Variants in ERBB4 observed in about 807,000 individuals in gnomAD.
ERBB4 encodes the protein receptor tyrosine-protein kinase erbB-4.
Under a neutral mutation model 158.0 loss-of-function variants are expected in ERBB4, and 42 were observed. The ratio of observed to expected loss-of-function variants is 0.27; its 90% confidence interval spans 0.21 to 0.34. The LOEUF (loss-of-function observed/expected upper bound fraction) is 0.34, where lower values mean the gene tolerates loss of function less well. Ranked by LOEUF, ERBB4 falls within the 10% of genes least tolerant of loss-of-function variation. ERBB4 has a pLI of 1.00. For missense variants in ERBB4, 1,333 were observed against 1,624.1 expected (o/e 0.82, Z 3.08); for synonymous variants, 583 against 558.7 (o/e 1.04, Z -0.61).
At chr2:212,293,947 CAG>C (rs1424063726) in intron 1 of ERBB4, among the ~76,000 whole-genome samples, 4 of 150,574 alleles carry the variant, frequency 2.7e-5, no homozygotes, top group Admixed American at 6.6e-5. Flanking sequence ...GAACTCTCTC[CAG>C]AGAGAGTCAA....
intron 1 of ERBB4, among the ~76,000 whole-genome samples, chr2:212,360,831 G>C (rs2089660587): frequency 6.6e-6 from 1 of 151,700 alleles, no homozygotes; most frequent in African/African-American, 2.4e-5. Context: ...CAGTGATTTA[G>C]ACTGAGACTT....
chr2:212,317,683 C>A (rs2087352687), intron 1 of ERBB4, among the ~76,000 whole-genome samples: 1 of 151,518 alleles, frequency 6.6e-6, no homozygotes, highest in African/African-American at 2.4e-5. Context: ...CCAGTCCAGT[C>A]CCATGCTTTA....
At chr2:212,070,815 T>C (rs2078093225) in intron 2 of ERBB4, among the ~76,000 whole-genome samples, 1 of 152,036 alleles carries the variant, frequency 6.6e-6, no homozygotes, top group Non-Finnish European at 1.5e-5. Context: ...AGTTTTAAAA[T>C]TGAATTTGAA....
rs368438270 is a variant in ERBB4, at chr2:212,003,177, G to GAAAAGAAAGA, written c.235-55562_235-55561insTCTTTCTTTT. Among the ~76,000 whole-genome samples the GAAAAGAAAGA allele has an allele frequency of 1.3e-3, 62 of 47,684 alleles. 1 individual carries two copies. Among genetic ancestry groups the GAAAAGAAAGA allele is most frequent in the Middle Eastern group, 8.8e-3 (1 of 114 alleles). 31.3% of individuals were successfully genotyped at this position (47,684 alleles called of 152,430 possible). On this transcript the variant is annotated intron_variant, in intron 2 of 27. Coordinates refer to ENST00000342788, the MANE Select transcript of ERBB4 (RefSeq NM_005235.3). Reference sequence around the variant, plus strand: ...AGAAAGAAAGAAAGAAAGAAAGAAAGAAAGAAAGAAAGAAAGAAAGAAAGA... The same window carrying GAAAAGAAAGA: ...AGAAAGAAAGAAAGAAAGAAAGAAAGAAAAGAAAGAAAAGAAAGAAAGAAAGAAAGAAAGA...
chr2:211,723,268 C>A (rs1232666252), intron 6 of ERBB4, among the ~76,000 whole-genome samples: 3 of 151,858 alleles, frequency 2.0e-5, no homozygotes, highest in African/African-American at 4.8e-5. Context: ...AATTAAAAAC[C>A]ATTTTATTAC....
chr2:212,413,675 A>T (rs2091570426), intron 1 of ERBB4, among the ~76,000 whole-genome samples: 1 of 152,118 alleles, frequency 6.6e-6, no homozygotes, highest in African/African-American at 2.4e-5. Context: ...GCTTGAAATC[A>T]TTATTCAGTT....
intron 2 of ERBB4, among the ~76,000 whole-genome samples, chr2:212,022,276 T>C (rs577198699): frequency 6.6e-6 from 1 of 152,304 alleles, no homozygotes; most frequent in Non-Finnish European, 1.5e-5. Context: ...AGTAATGGAA[T>C]TGTCCCAAAT....
intron 20 of ERBB4, among the ~76,000 whole-genome samples, chr2:211,531,459 T>C (rs999989134): frequency 6.6e-6 from 1 of 152,102 alleles, no homozygotes; most frequent in South Asian, 2.1e-4. Context: ...AACAACTCTA[T>C]AGGAAAAAAT....
At chr2:211,964,454 T>A (rs2081261891) in intron 2 of ERBB4, among the ~76,000 whole-genome samples, 1 of 152,200 alleles carries the variant, frequency 6.6e-6, no homozygotes, top group African/African-American at 2.4e-5. Context: ...TTTAAGTTCA[T>A]GAACTACAAG....
intron 2 of ERBB4, among the ~76,000 whole-genome samples, chr2:212,067,387 C>A (rs535975942): frequency 1.3e-5 from 2 of 151,932 alleles, no homozygotes; most frequent in South Asian, 2.1e-4. Context: ...CTAAAGTAAA[C>A]CTGTCATTAG....
intron 20 of ERBB4, among the ~76,000 whole-genome samples, chr2:211,527,209 A>C (rs1307856899): frequency 6.6e-6 from 1 of 152,120 alleles, no homozygotes; most frequent in Non-Finnish European, 1.5e-5. Flanking sequence ...GAAAAGAAAC[A>C]AACAACAAAC....
intron 4 of ERBB4, among the ~76,000 whole-genome samples, chr2:211,784,407 C>T (rs907242646): frequency 6.6e-6 from 1 of 152,154 alleles, no homozygotes; most frequent in Non-Finnish European, 1.5e-5. Flanking sequence ...AAGATTTATT[C>T]ATGTTGTAGC....
intron 1 of ERBB4, among the ~76,000 whole-genome samples, chr2:212,497,051 G>A (rs1029519207): frequency 4.0e-5 from 6 of 151,458 alleles, no homozygotes; most frequent in East Asian, 1.9e-4. Context: ...GGTGGCATGC[G>A]CCTGTAATCC....
intron 1 of ERBB4, among the ~76,000 whole-genome samples, chr2:212,416,043 T>C (rs534239929): frequency 3.3e-5 from 5 of 152,142 alleles, no homozygotes; most frequent in Non-Finnish European, 7.4e-5. Flanking sequence ...CAGGGGCCTG[T>C]GTAATTACAT....
intron 1 of ERBB4, among the ~76,000 whole-genome samples, chr2:212,311,849 C>T (rs1224600345): frequency 6.6e-6 from 1 of 150,978 alleles, no homozygotes; most frequent in Non-Finnish European, 1.5e-5. Context: ...AAAGCCACAT[C>T]TACAGCCTAA....
Position 212,363,650 on chromosome 2 carries a change from TA to T in ERBB4, c.82+174798del, listed in dbSNP as rs147634638. ...TAAGGCACCTGTTTGTTGCTTTCAT[TA>T]AAAAAAAAATACTTATATATTTGGA... On this transcript the variant is annotated intron_variant, in intron 1 of 27. Coordinates refer to ENST00000342788, the MANE Select transcript of ERBB4 (RefSeq NM_005235.3). Among the ~76,000 whole-genome samples, 123 of 148,168 alleles carry T rather than the reference TA, an allele frequency of 8.3e-4. 1 individual carries two copies. The highest frequency in any genetic ancestry group is 1.8e-3 in the East Asian group (9 of 5,098).
chr2:212,286,767 A>ATTTTTTCTTTTTT lies in ERBB4; in HGVS notation c.83-161865_83-161864insAAAAAAGAAAAAA, dbSNP rs2085995311. Among the ~76,000 whole-genome samples the ATTTTTTCTTTTTT allele has an allele frequency of 1.0e-4, 4 of 39,562 alleles. 1 individual carries two copies. The highest frequency in any genetic ancestry group is 3.3e-4 in the African/African-American group (3 of 9,008). 26.0% of individuals were successfully genotyped at this position (39,562 alleles called of 152,430 possible). A position where few individuals can be genotyped will look rare whatever the true frequency, so the allele number is the denominator to read the frequency against. On this transcript the variant is annotated intron_variant, in intron 1 of 27. Coordinates refer to ENST00000342788, the MANE Select transcript of ERBB4 (RefSeq NM_005235.3). ...TAGGCGGGTGGCACCATGAGGGTTAATTTTTTTTTTTTTTTTTTTTTTTGT... is the reference window on the plus strand; with the variant it reads ...TAGGCGGGTGGCACCATGAGGGTTAATTTTTTCTTTTTTTTTTTTTTTTTTTTTTTTTTTTTGT...
chr2:211,399,733 T>C (rs1303366034), intron 25 of ERBB4, among the ~76,000 whole-genome samples: 3 of 152,178 alleles, frequency 2.0e-5, no homozygotes, highest in African/African-American at 7.2e-5. Context: ...ATTCTATCAC[T>C]AGTATGACAA....
chr2:212,519,537 CA>C (rs958265561), intron 1 of ERBB4, among the ~76,000 whole-genome samples: 4 of 151,430 alleles, frequency 2.6e-5, no homozygotes, highest in African/African-American at 9.7e-5. Context: ...CAGGGCATAT[CA>C]GGGGGCGGGG....
Sources: allele counts gnomAD v4.1 joint callset (sites outside exome capture counted in the v4.1 genomes callset), GRCh38; gene constraint gnomAD v4.1.1; transcripts MANE v1.5; gene names NCBI Gene and HGNC (gene_info 2026-07-23, HGNC 2026-07-21).